Variants in RPS6KA3 observed in about 807,000 individuals in gnomAD.
RPS6KA3 encodes ribosomal protein S6 kinase A3.
A neutral mutation model predicts 67.2 loss-of-function variants in RPS6KA3; 4 were observed. The ratio of observed to expected loss-of-function variants is 0.06; its 90% CI spans 0.03 to 0.14. The LOEUF (loss-of-function observed/expected upper bound fraction) is 0.14. RPS6KA3 is among the 10% of genes least tolerant of loss of function. The pLI is 1.00. For synonymous variants in RPS6KA3, 182 were observed against 183.7 expected, an observed-to-expected ratio of 0.99 and a Z score of 0.07; for missense variants, 204 against 559.0, an observed-to-expected ratio of 0.36 and a Z score of 6.40.
chrX:20,248,603 C>CAAGGA (rs2069770621), intron 1 of RPS6KA3, among the ~76,000 whole-genome samples: 10 of 111,798 alleles, frequency 8.9e-5, no homozygotes, highest in Middle Eastern at 4.6e-3. Flanking sequence ...CCTCAGCCTC[C>CAAGGA]TTCCAAGTAG....
intron 1 of RPS6KA3, among the ~76,000 whole-genome samples, chrX:20,254,951 T>C (rs1465711063): frequency 8.9e-6 from 1 of 112,003 alleles, no homozygotes; most frequent in Non-Finnish European, 1.9e-5. Flanking sequence ...TAAACATAGA[T>C]TTACCATATG....
At chrX:20,172,392 G>C (rs939102314) in intron 15 of RPS6KA3, among the ~76,000 whole-genome samples, 1 of 111,854 alleles carries the variant, frequency 8.9e-6, no homozygotes, top group East Asian at 2.8e-4. Flanking sequence ...TTTTGCCAGA[G>C]AAGATGTAAA....
intron 1 of RPS6KA3, among the ~76,000 whole-genome samples, chrX:20,249,968 A>T (rs1004904403): frequency 3.6e-5 from 4 of 112,060 alleles, no homozygotes; most frequent in African/African-American, 1.3e-4. Flanking sequence ...TGTTTTACCT[A>T]TAGGTGTGCA....
chrX:20,166,915 G>A (rs1442549352), intron 17 of RPS6KA3, among the ~76,000 whole-genome samples: 3 of 110,012 alleles, frequency 2.7e-5, no homozygotes, highest in South Asian at 3.9e-4. Flanking sequence ...ACAGGGTTTC[G>A]CCATGTTGGC....
At chrX:20,168,036 C>T (rs374957652) in intron 16 of RPS6KA3, among the ~76,000 whole-genome samples, 9 of 111,607 alleles carry the variant, frequency 8.1e-5, no homozygotes, top group African/African-American at 6.5e-5. Flanking sequence ...TTTGTAGAGA[C>T]GAGCTTTTGC....
intron 1 of RPS6KA3, among the ~76,000 whole-genome samples, chrX:20,240,285 CTTTTTTTTTTT>C (rs778713587): frequency 9.2e-5 from 5 of 54,364 alleles, no homozygotes; most frequent in Non-Finnish European, 1.5e-4. Context: ...AAGGACCATA[CTTTTTTTTTTT>C]TTTTTTTTTT....
At chrX:20,216,551 TGAGTA>T (rs1221196427) in intron 2 of RPS6KA3, among the ~76,000 whole-genome samples, 1 of 109,934 alleles carries the variant, frequency 9.1e-6, no homozygotes, top group Non-Finnish European at 1.9e-5. Flanking sequence ...GATATTGAGT[TGAGTA>T]AAGAGATGAG....
intron 1 of RPS6KA3, among the ~76,000 whole-genome samples, chrX:20,241,063 G>T (rs994912516): frequency 9.0e-6 from 1 of 111,150 alleles, no homozygotes; most frequent in African/African-American, 3.3e-5. Flanking sequence ...GTGCCCTTAT[G>T]CCTGCTTTAC....
chrX:20,201,309 T>G (rs2068426106), intron 4 of RPS6KA3, among the ~76,000 whole-genome samples: 1 of 110,759 alleles, frequency 9.0e-6, no homozygotes, highest in Non-Finnish European at 1.9e-5. Context: ...CTGATTTTAT[T>G]TTTATTTTTT....
intron 3 of RPS6KA3, among the ~76,000 whole-genome samples, chrX:20,208,399 T>C (rs1033289988): frequency 1.8e-5 from 2 of 111,076 alleles, no homozygotes; most frequent in African/African-American, 6.6e-5. Context: ...AGACAAGCGC[T>C]ACATGAAAAA....
chrX:20,174,742 T>C (rs1341010096), intron 14 of RPS6KA3, among the ~76,000 whole-genome samples: 1 of 110,931 alleles, frequency 9.0e-6, no homozygotes, highest in Non-Finnish European at 1.9e-5. Flanking sequence ...GTAAAGTTAA[T>C]GATATAAAAT....
intron 2 of RPS6KA3, among the ~76,000 whole-genome samples, chrX:20,225,257 T>G (rs960530185): frequency 2.3e-5 from 2 of 87,525 alleles, no homozygotes; most frequent in Non-Finnish European, 4.5e-5. Flanking sequence ...TTTTTTTTGT[T>G]TTTTTTTTTT....
In RPS6KA3 at chrX:20,188,705, A is replaced by C. The variant is rs753650849; in HGVS notation, c.594-171T>G. Among the ~76,000 whole-genome samples the C allele has an allele frequency of 4.2e-4, 47 of 112,707 alleles. 1 individual carries two copies. The highest frequency in any genetic ancestry group is 4.5e-4 in the Non-Finnish European group (24 of 53,340). On this transcript the variant is annotated intron_variant, in intron 7 of 21. Coordinates refer to ENST00000379565, the MANE Select transcript of RPS6KA3 (RefSeq NM_004586.3). Reference sequence around the variant, plus strand: ...GGAACAAATTATTTTTTGGACACACATTTATAACAAAGCCCAAAGGCAATG... The same window carrying C: ...GGAACAAATTATTTTTTGGACACACCTTTATAACAAAGCCCAAAGGCAATG...
At chrX:20,250,161 G>C (rs1284342552) in intron 1 of RPS6KA3, among the ~76,000 whole-genome samples, 1 of 111,446 alleles carries the variant, frequency 9.0e-6, no homozygotes, top group Non-Finnish European at 1.9e-5. Flanking sequence ...ACTGGATATA[G>C]TAAGTCTTAA....
chrX:20,197,132 G>A (rs1204714783), intron 4 of RPS6KA3, among the ~76,000 whole-genome samples: 1 of 112,564 alleles, frequency 8.9e-6, no homozygotes, highest in African/African-American at 3.2e-5. Context: ...GGGCCACCAC[G>A]CCCAGCCTGA....
intron 1 of RPS6KA3, among the ~76,000 whole-genome samples, chrX:20,235,091 T>C (rs969341618): frequency 4.5e-5 from 5 of 111,718 alleles, no homozygotes; most frequent in Non-Finnish European, 7.5e-5. Flanking sequence ...AATAGTTAAA[T>C]GCATTACAAA....
At chrX:20,188,062 A>G in intron 8 of RPS6KA3, 92 bp from the exon 9 acceptor site, 1 of 866,601 alleles carries the variant, frequency 1.2e-6, no homozygotes, top group Non-Finnish European at 1.7e-6. Flanking sequence ...AAAATTTCTA[A>G]TACAAGTTTT....
At chrX:20,225,580 T>C (rs747136506) in intron 2 of RPS6KA3, among the ~76,000 whole-genome samples, 2 of 111,293 alleles carry the variant, frequency 1.8e-5, no homozygotes, top group Admixed American at 1.9e-4. Context: ...TAATATACCA[T>C]GGTACAAATT....
chrX:20,209,225 T>C (rs2068647091), intron 3 of RPS6KA3, 63 bp downstream of exon 3: 1 of 627,453 alleles, frequency 1.6e-6, no homozygotes, highest in South Asian at 2.2e-5. Context: ...TGTTTCCTCA[T>C]GTATATGAAA....
Sources: allele counts gnomAD v4.1 joint callset (sites outside exome capture counted in the v4.1 genomes callset), GRCh38; gene constraint gnomAD v4.1.1; transcripts MANE v1.5; gene names NCBI Gene and HGNC (gene_info 2026-07-23, HGNC 2026-07-21).